The following TVP23C variants were observed in gnomAD, a reference collection of about 807,000 sequenced individuals.
TVP23C encodes Golgi apparatus membrane protein TVP23 homolog C.
TVP23C carries 19 observed loss-of-function variants against 28.7 expected under a neutral mutation model. That is an observed-to-expected ratio of 0.66 (90% confidence interval 0.46 to 0.97). TVP23C has a LOEUF of 0.97. Ranked by LOEUF, TVP23C falls within the 50% of genes least tolerant of loss-of-function variation. TVP23C has a pLI of 0.00. For synonymous variants in TVP23C, 68 were observed against 81.7 expected (o/e 0.83, Z 0.90); for missense variants, 186 against 241.3 (o/e 0.77, Z 1.52).
At chr17:15,506,010 C>T (rs368815808) in intron 5 of TVP23C, among the ~76,000 whole-genome samples, 2 of 152,362 alleles carry the variant, frequency 1.3e-5, no homozygotes, top group African/African-American at 2.4e-5. Context: ...GCCTCCCCGA[C>T]GAGCGCCACC....
chr17:15,530,643 T>A (rs1222849903), intron 5 of TVP23C: 6 of 152,248 alleles, frequency 3.9e-5, no homozygotes, highest in African/African-American at 1.4e-4. Flanking sequence ...GGATTGGAGT[T>A]ATTGTCTAGT....
At chr17:15,547,356 A>G (rs1291925149) in intron 3 of TVP23C, among the ~76,000 whole-genome samples, 1 of 152,146 alleles carries the variant, frequency 6.6e-6, no homozygotes, top group Non-Finnish European at 1.5e-5. Flanking sequence ...GAGGTGACAG[A>G]GCAAGCAACA....
rs527324593 is a variant in TVP23C at position 15,515,883 on chromosome 17, T to C, written c.463-12651A>G. Among the ~76,000 whole-genome samples the C allele has an allele frequency of 9.6e-4, 146 of 152,242 alleles. 1 individual carries two copies. Among genetic ancestry groups the C allele is most frequent in the Middle Eastern group, 3.4e-3 (1 of 294 alleles). The stretch of plus-strand genomic sequence containing the variant: ...GAGGTGGGGCCTGGTGTCAGGTGAT[T>C]GGATCATGGGGGTGGCTTCTCATGA... On this transcript the variant is annotated intron_variant, in intron 5 of 5. Coordinates refer to the TVP23C transcript ENST00000225576.
At chr17:15,510,372 T>G (rs542596139) in intron 5 of TVP23C, among the ~76,000 whole-genome samples, 2 of 152,142 alleles carry the variant, frequency 1.3e-5, no homozygotes, top group Admixed American at 1.3e-4. Context: ...AAGCGGCCAA[T>G]AAACATGAGA....
At position 15,559,313 on chromosome 17, in the gene TVP23C, TAAAAAAAA is replaced by T. The variant is rs56346847; in HGVS notation, c.13-3957_13-3950del. 2.9e-3 allele frequency among the ~76,000 whole-genome samples: 303 copies of T among 105,184 alleles called. 5 individuals carry two copies. Among genetic ancestry groups the T allele is most frequent in the African/African-American group, 9.8e-3 (294 of 29,900 alleles). The allele number at this position is 105,184 out of a possible 152,430, so 69.0% of individuals were successfully genotyped here. A position where few individuals can be genotyped will look rare whatever the true frequency, so the allele number is the denominator to read the frequency against. Reference sequence around the variant, plus strand: ...GGTACTGCTGTAAGTGGTACAGATTTAAAAAAAAAAAAAAAAAAAAAAAGACAAATAGC... The same window carrying T: ...GGTACTGCTGTAAGTGGTACAGATTTAAAAAAAAAAAAAAAGACAAATAGC... On this transcript the variant is annotated intron_variant, in intron 1 of 5. Coordinates refer to ENST00000518321, the MANE Select transcript of TVP23C (RefSeq NM_001135036.2).
chr17:15,557,002 C>T (rs1250750451), intron 1 of TVP23C, among the ~76,000 whole-genome samples: 4 of 150,174 alleles, frequency 2.7e-5, no homozygotes, highest in Non-Finnish European at 1.5e-5. Flanking sequence ...ACTGTTACTA[C>T]ATGGTCTCTA....
chr17:15,527,679 T>C (rs1482134779), intron 5 of TVP23C, among the ~76,000 whole-genome samples: 1 of 152,170 alleles, frequency 6.6e-6, no homozygotes, highest in Non-Finnish European at 1.5e-5. Context: ...GCTTCATCTG[T>C]AAAAATGGGA....
At chr17:15,513,838 A>G (rs761887677) in intron 5 of TVP23C, among the ~76,000 whole-genome samples, 6 of 152,252 alleles carry the variant, frequency 3.9e-5, no homozygotes, top group Admixed American at 6.5e-5. Flanking sequence ...TCACATTAAA[A>G]TAACACAGAA....
chr17:15,552,772 T>C (rs1484152751), intron 3 of TVP23C, among the ~76,000 whole-genome samples: 1 of 152,238 alleles, frequency 6.6e-6, no homozygotes, highest in Non-Finnish European at 1.5e-5. Context: ...TGAATCAGTA[T>C]ATGTCTCTGA....
intron 5 of TVP23C, among the ~76,000 whole-genome samples, chr17:15,517,881 C>A (rs1310372051): frequency 6.6e-6 from 1 of 152,116 alleles, no homozygotes; most frequent in Non-Finnish European, 1.5e-5. Context: ...ATGTTCCCAG[C>A]CTCAGCCAGA....
At position 15,537,331 on chromosome 17, in the gene TVP23C, T is replaced by G. The variant is rs990905572; in HGVS notation, c.*3081A>C. On this transcript the variant is annotated 3_prime_UTR_variant, in exon 6 of 6. Transcript: ENST00000518321. ...TTTTAGGCATTTATTATGCCAAGTA[T>G]GTAAATTATTATTCTCATTATGACA... The G allele has an allele frequency of 1.1e-6, 1 of 896,870 alleles. No individual in the cohort carries two copies. Among genetic ancestry groups the G allele is most frequent in the African/African-American group, 1.8e-5 (1 of 55,080 alleles). 55.6% of individuals were successfully genotyped at this position (896,870 alleles called of 1,614,324 possible). A position where few individuals can be genotyped will look rare whatever the true frequency, so the allele number is the denominator to read the frequency against.
At chr17:15,502,734 CTCTCTCCTCTCTCCCGTCTCTT>C (rs1981509639) in exon 6 of TVP23C, 15 of 982,168 alleles carry the variant, frequency 1.5e-5, no homozygotes, top group Non-Finnish European at 1.9e-5. Flanking sequence ...CTCTCTCTTT[CTCTCTCCTCTCTCCCGTCTCTT>C]TCTCTCCTTC....
At chr17:15,544,721 A>G (rs578206712) in intron 5 of TVP23C, among the ~76,000 whole-genome samples, 4 of 152,292 alleles carry the variant, frequency 2.6e-5, no homozygotes, top group Non-Finnish European at 5.9e-5. Flanking sequence ...GGGTAATGAT[A>G]TAACATATAA....
intron 1 of TVP23C, among the ~76,000 whole-genome samples, chr17:15,561,167 G>A (rs1057321785): frequency 1.3e-5 from 2 of 151,640 alleles, no homozygotes; most frequent in African/African-American, 4.9e-5. Context: ...CCAGCTGAGA[G>A]AGGATAAGAG....
intron 3 of TVP23C, among the ~76,000 whole-genome samples, chr17:15,548,802 ATATTT>A (rs1983759955): frequency 6.6e-6 from 1 of 152,228 alleles, no homozygotes; most frequent in Admixed American, 6.5e-5. Context: ...TATATATGCT[ATATTT>A]TTTCCTATAA....
intron 5 of TVP23C, among the ~76,000 whole-genome samples, chr17:15,503,836 A>G (rs1981599684): frequency 1.3e-5 from 2 of 151,850 alleles, no homozygotes; most frequent in South Asian, 2.1e-4. Flanking sequence ...TATCCCAAAC[A>G]GAAGGAAGCT....
rs1193203869 is a variant in TVP23C, at chr17:15,538,997, G to A, written c.*1415C>T. On this transcript the variant is annotated 3_prime_UTR_variant, in exon 6 of 6. Transcript: ENST00000518321. Reference sequence around the variant, plus strand: ...AGAACAATAAATTTTGAGTACAGAGGGCTGGGTTTAAGATCTAGCTTTGTA... The same window carrying A: ...AGAACAATAAATTTTGAGTACAGAGAGCTGGGTTTAAGATCTAGCTTTGTA... 5.2e-5 allele frequency: 51 copies of A among 985,276 alleles called. No homozygotes were observed. The highest frequency in any genetic ancestry group is 6.0e-5 in the Non-Finnish European group (50 of 829,720). 61.0% of individuals were successfully genotyped at this position (985,276 alleles called of 1,614,324 possible). A position where few individuals can be genotyped will look rare whatever the true frequency, so the allele number is the denominator to read the frequency against.
intron 5 of TVP23C, among the ~76,000 whole-genome samples, chr17:15,520,417 G>A (rs1207848787): frequency 2.7e-5 from 4 of 147,494 alleles, no homozygotes; most frequent in Middle Eastern, 3.4e-3. Context: ...TCAACTCAGA[G>A]AGGATTTTAG....
chr17:15,560,862 A>AT (rs895680304), intron 1 of TVP23C, among the ~76,000 whole-genome samples: 1 of 150,088 alleles, frequency 6.7e-6, no homozygotes, highest in Non-Finnish European at 1.5e-5. Flanking sequence ...CCAAGTTTTC[A>AT]TTTTTTAAGG....
Sources: allele counts gnomAD v4.1 joint callset (sites outside exome capture counted in the v4.1 genomes callset), GRCh38; gene constraint gnomAD v4.1.1; transcripts MANE v1.5; gene names NCBI Gene and HGNC (gene_info 2026-07-23, HGNC 2026-07-21).